PFDN1: variants seen among roughly 807,000 people sequenced by gnomAD.
PFDN1 encodes the protein prefoldin subunit 1.
PFDN1 carries 6 observed loss-of-function variants against 17.3 expected under a neutral mutation model. The observed-to-expected ratio is 0.35, with a 90% CI of 0.19 to 0.69. The LOEUF (loss-of-function observed/expected upper bound fraction) is 0.69. PFDN1 is among the 30% of genes least tolerant of loss of function. The probability of loss-of-function intolerance (pLI) is 0.65; values close to 1 mark genes in which losing one functional copy is unlikely to be tolerated. For missense variants in PFDN1, 113 were observed against 146.2 expected, an observed-to-expected ratio of 0.77 and a Z score of 1.17; for synonymous variants, 58 against 50.1, an observed-to-expected ratio of 1.16 and a Z score of -0.67.
At chr5:140,266,900 T>A (rs1484741087) in intron 3 of PFDN1, among the ~76,000 whole-genome samples, 2 of 152,256 alleles carry the variant, frequency 1.3e-5, no homozygotes, top group African/African-American at 4.8e-5. Flanking sequence ...AAGAGTCAAA[T>A]CAAAGCAGAG....
chr5:140,251,095 C>T (rs1170413782), intron 3 of PFDN1, among the ~76,000 whole-genome samples: 1 of 151,918 alleles, frequency 6.6e-6, no homozygotes, highest in African/African-American at 2.4e-5. Flanking sequence ...ACCACCACAC[C>T]CAGCTAATTT....
chr5:140,251,794 C>A (rs1764917431), intron 3 of PFDN1, among the ~76,000 whole-genome samples: 1 of 152,056 alleles, frequency 6.6e-6, no homozygotes, highest in South Asian at 2.1e-4. Context: ...GTTCTTTTTT[C>A]CAGGAGTCAG....
At chr5:140,278,581 A>AAAAAAAAAAAAAAAAAAAC (rs1765339887) in intron 3 of PFDN1, among the ~76,000 whole-genome samples, 1 of 128,018 alleles carries the variant, frequency 7.8e-6, no homozygotes, top group African/African-American at 3.1e-5. Context: ...AAAAAAAAAA[A>AAAAAAAAAAAAAAAAAAAC]AAAAAACAAA....
intron 3 of PFDN1, among the ~76,000 whole-genome samples, chr5:140,252,514 T>C (rs936789754): frequency 6.6e-6 from 1 of 152,206 alleles, no homozygotes; most frequent in Non-Finnish European, 1.5e-5. Flanking sequence ...CAAGCTCTAC[T>C]ATTAATCAAA....
intron 3 of PFDN1, among the ~76,000 whole-genome samples, chr5:140,277,089 G>A (rs1292169304): frequency 6.6e-6 from 1 of 152,018 alleles, no homozygotes; most frequent in Admixed American, 6.6e-5. Flanking sequence ...GGGCATAGTG[G>A]CACATGCCTG....
At chr5:140,247,066 C>T (rs1764840665) in intron 3 of PFDN1, among the ~76,000 whole-genome samples, 1 of 152,190 alleles carries the variant, frequency 6.6e-6, no homozygotes, top group Non-Finnish European at 1.5e-5. Context: ...TTAAAGTGCC[C>T]ACAGGACTCA....
chr5:140,289,750 C>CCCATACCCATA (rs1174233752), intron 2 of PFDN1, among the ~76,000 whole-genome samples: 10 of 152,304 alleles, frequency 6.6e-5, no homozygotes, highest in Non-Finnish European at 1.2e-4. Flanking sequence ...CCAAATTAAA[C>CCCATACCCATA]TCATTTTATC....
intron 3 of PFDN1, 189 bp downstream of exon 3, chr5:140,281,257 CTTT>C: frequency 2.3e-6 from 1 of 426,194 alleles, no homozygotes. Flanking sequence ...AGAGACTATT[CTTT>C]TTTTTTTGTT....
At chr5:140,279,219 C>T (rs968929592) in intron 3 of PFDN1, among the ~76,000 whole-genome samples, 6 of 151,638 alleles carry the variant, frequency 4.0e-5, no homozygotes, top group Non-Finnish European at 7.4e-5. Context: ...TTGGATGTAC[C>T]GAGGGTGGAA....
intron 2 of PFDN1, among the ~76,000 whole-genome samples, chr5:140,295,402 G>A (rs1193629561): frequency 6.6e-6 from 1 of 152,084 alleles, no homozygotes; most frequent in Non-Finnish European, 1.5e-5. Flanking sequence ...TAACATTTAA[G>A]ATTTGTCTAT....
chr5:140,286,702 T>A (rs13188413), intron 2 of PFDN1, among the ~76,000 whole-genome samples: 70,217 of 142,534 alleles, frequency 0.49, 17,038 homozygotes, highest in South Asian at 0.72. Context: ...GCCTCCAGGG[T>A]TCAAGCAATT....
intron 3 of PFDN1, among the ~76,000 whole-genome samples, chr5:140,271,767 T>C (rs1303105458): frequency 1.3e-5 from 2 of 151,958 alleles, no homozygotes; most frequent in Admixed American, 1.3e-4. Context: ...GACGGGATAC[T>C]ATGCAGCAAT....
intron 3 of PFDN1, among the ~76,000 whole-genome samples, chr5:140,275,224 C>T (rs935615287): frequency 2.0e-5 from 3 of 151,788 alleles, no homozygotes; most frequent in African/African-American, 4.8e-5. Context: ...CTGGCTAACA[C>T]GGTGAAACCC....
At chr5:140,271,634 G>A (rs186597849) in intron 3 of PFDN1, among the ~76,000 whole-genome samples, 2 of 152,134 alleles carry the variant, frequency 1.3e-5, no homozygotes, top group Admixed American at 1.3e-4. Context: ...GGTGGAGGGT[G>A]GTTTCTGAAA....
At chr5:140,277,078 T>A (rs977745611) in intron 3 of PFDN1, among the ~76,000 whole-genome samples, 16 of 151,890 alleles carry the variant, frequency 1.1e-4, no homozygotes, top group African/African-American at 3.9e-4. Context: ...AAAAATTAGC[T>A]GGGCATAGTG....
chr5:140,259,599 G>A (rs1188645257), intron 3 of PFDN1, among the ~76,000 whole-genome samples: 1 of 152,208 alleles, frequency 6.6e-6, no homozygotes, highest in Non-Finnish European at 1.5e-5. Context: ...CATTCTTACA[G>A]GAGCAAGAGA....
chr5:140,292,039 A>G (rs2126699373), intron 2 of PFDN1, among the ~76,000 whole-genome samples: 1 of 152,158 alleles, frequency 6.6e-6, no homozygotes, highest in Non-Finnish European at 1.5e-5. Flanking sequence ...CAAAACTATT[A>G]CTCCTGAAAT....
At chr5:140,290,916 A>G (rs1392502018) in intron 2 of PFDN1, among the ~76,000 whole-genome samples, 1 of 152,214 alleles carries the variant, frequency 6.6e-6, no homozygotes, top group Non-Finnish European at 1.5e-5. Context: ...ATGGTGAGGT[A>G]CGATGAAGAA....
intron 3 of PFDN1, among the ~76,000 whole-genome samples, chr5:140,267,191 C>T (rs2053055): frequency 0.47 from 71,813 of 152,034 alleles, 17,194 homozygotes; most frequent in South Asian, 0.71. Flanking sequence ...TGCAGGTGCA[C>T]TGGAATCACA....
Sources: allele counts gnomAD v4.1 joint callset (sites outside exome capture counted in the v4.1 genomes callset), GRCh38; gene constraint gnomAD v4.1.1; transcripts MANE v1.5; gene names NCBI Gene and HGNC (gene_info 2026-07-23, HGNC 2026-07-21).